Variants in RECQL5 observed in about 807,000 individuals in gnomAD.
RECQL5 encodes the protein ATP-dependent DNA helicase Q5.
In RECQL5, 88 loss-of-function variants were observed where a neutral mutation model predicts 103.4. The observed-to-expected ratio is 0.85, with a 90% CI of 0.72 to 1.02. The LOEUF is 1.02. Ranked by LOEUF, RECQL5 falls within the 50% of genes least tolerant of loss-of-function variation. The pLI is 0.00. For missense variants in RECQL5, 1,232 were observed against 1,284.3 expected, an observed-to-expected ratio of 0.96 and a Z score of 0.62; for synonymous variants, 552 against 507.9, an observed-to-expected ratio of 1.09 and a Z score of -1.17.
intron 8 of RECQL5, among the ~76,000 whole-genome samples, chr17:75,644,452 A>G (rs979736624): frequency 6.6e-6 from 1 of 151,926 alleles, no homozygotes; most frequent in East Asian, 1.9e-4. Flanking sequence ...CAAATATAAA[A>G]AAAAATTAGC....
chr17:75,632,887 A>G (rs1403425921), intron 8 of RECQL5, among the ~76,000 whole-genome samples: 1 of 152,190 alleles, frequency 6.6e-6, no homozygotes, highest in Non-Finnish European at 1.5e-5. Flanking sequence ...GCTGGCATTA[A>G]CTGCTCTAAC....
Position 75,627,697 on chromosome 17 carries a change from A to AAGGGAG in RECQL5, c.2806-11_2806-6dup. On this transcript the variant is annotated splice_polypyrimidine_tract_variant and splice_region_variant and intron_variant, in intron 18 of 19. Transcript: ENST00000317905. ...GGCAAAGCCTTTAAACAACTCCTGG[A>AAGGGAG]AGGGAGAGGGAGAAGAGAAGCAGAG... is the stretch of plus-strand genomic sequence containing the variant. 1 of 1,601,006 alleles carries AAGGGAG rather than the reference A, an allele frequency of 6.2e-7. No homozygotes were observed. Among genetic ancestry groups the AAGGGAG allele is most frequent in the African/African-American group, 1.3e-5 (1 of 74,866 alleles).
At chr17:75,635,497 G>A (rs1476403636) in intron 8 of RECQL5, among the ~76,000 whole-genome samples, 2 of 152,214 alleles carry the variant, frequency 1.3e-5, no homozygotes, top group Non-Finnish European at 2.9e-5. Context: ...AGCAGAAAGC[G>A]CTTCCTCCCG....
At chr17:75,666,405 G>A in intron 2 of RECQL5, 23 bp downstream of exon 2, 1 of 1,613,444 alleles carries the variant, frequency 6.2e-7, no homozygotes. Context: ...TAAATTTAAA[G>A]GAAGGTAGCT....
At chr17:75,635,278 C>T (rs1164599268) in intron 8 of RECQL5, among the ~76,000 whole-genome samples, 4 of 152,100 alleles carry the variant, frequency 2.6e-5, no homozygotes, top group African/African-American at 7.2e-5. Context: ...CAGGCCAGGT[C>T]GGGGTCGGGG....
intron 8 of RECQL5, chr17:75,647,636 C>G (rs2059505377): frequency 6.9e-7 from 1 of 1,454,422 alleles, no homozygotes. Flanking sequence ...GTGGTGGGCC[C>G]CTTCGCGGTT....
At chr17:75,657,979 C>T (rs1436640159) in intron 7 of RECQL5, among the ~76,000 whole-genome samples, 3 of 151,756 alleles carry the variant, frequency 2.0e-5, no homozygotes, top group Non-Finnish European at 4.4e-5. Context: ...ACCCGGGAGG[C>T]GGAGGTTGCA....
intron 8 of RECQL5, chr17:75,637,819 C>G (rs948184990): frequency 2.0e-5 from 3 of 152,376 alleles, no homozygotes; most frequent in Admixed American, 2.0e-4. Context: ...CGGGGCTGCT[C>G]CTGGCTATCT....
At position 75,658,371 on chromosome 17, in the gene RECQL5, C is replaced by G; in HGVS notation, c.1076G>C (p.Cys359Ser). ...RAGRDGKPSW[C>S]RLYYSRNDRD... ...GTCATTCCTGGAGTAATAGAGACGG[C>G]ACCAGGAAGGCTTCCCATCCCTGCC... The change falls in exon 7 of 20, where the codon TGC (cysteine) becomes TCC (serine). Residue 359 changes from cysteine to serine, a missense_variant. By Grantham distance (112) the Cys-to-Ser change is moderately radical. Coordinates refer to ENST00000317905, the MANE Select transcript of RECQL5 (RefSeq NM_004259.7). The G allele has an allele frequency of 6.2e-7, 1 of 1,614,034 alleles. No homozygotes were observed. The highest frequency in any genetic ancestry group is 8.5e-7 in the Non-Finnish European group (1 of 1,179,972).
rs1438159888 is a variant in RECQL5 at position 75,629,322 on chromosome 17, G to A, written c.2101C>T (p.Leu701=). 6.5e-7 allele frequency: 1 copy of A among 1,541,798 alleles called. No individual in the cohort carries two copies. The change falls in exon 16 of 20, where the codon CTG becomes TTG. Residue 701 remains leucine, a synonymous_variant. Transcript: ENST00000317905. ...AGGGGCTCACTCCCATCCTCATCCA[G>A]GAGGCCACAGGGCCGGCTCGGGGGC... ...HEPPSRPCGL[L]DEDGSEPLPG... is the part of the protein sequence containing the mutation.
chr17:75,629,107 C>T lies in RECQL5; in HGVS notation c.2316G>A (p.Val772=), dbSNP rs1244759737. The T allele has an allele frequency of 1.9e-6, 3 of 1,613,722 alleles. No homozygotes were observed. The highest frequency in any genetic ancestry group is 2.5e-6 in the Non-Finnish European group (3 of 1,179,970). The stretch of plus-strand genomic sequence containing the variant: ...CTGATGCCAGCAGAGCTGGGCTTTC[C>T]ACCCTTCGGCAGAAGAAGCGGGCGA... ...QSIARFFCRR[V]ESPALLASAP... Residue 772 remains valine, a synonymous_variant, in exon 16 of 20, where the codon GTG becomes GTA. Transcript: ENST00000317905.
chr17:75,629,751 T>G lies in RECQL5; in HGVS notation c.1904A>C (p.Glu635Ala). 6.2e-7 allele frequency: 1 copy of G among 1,613,548 alleles called. No homozygotes were observed. Among genetic ancestry groups the G allele is most frequent in the South Asian group, 1.1e-5 (1 of 91,064 alleles). The change falls in exon 15 of 20, where the codon GAG becomes GCG. Residue 635 changes from glutamate to alanine, a missense_variant. Transcript: ENST00000317905. ...TGGTGGAATGTCATACTCATTGGGC[T>G]CCGGGGGCTCAGCTTGGGCACTGCA... ...KSCSAQAEPP[E>A]PNEYDIPPAS... is the part of the protein sequence containing the mutation.
intron 14 of RECQL5, 54 bp downstream of exon 14, chr17:75,630,130 C>CA (rs1568257229): frequency 1.4e-6 from 2 of 1,422,830 alleles, no homozygotes; most frequent in Non-Finnish European, 1.9e-6. Context: ...GCTTCTGCGT[C>CA]AGAGTATGGA....
At chr17:75,664,569 G>A (rs2059742146) in intron 3 of RECQL5, among the ~76,000 whole-genome samples, 1 of 152,156 alleles carries the variant, frequency 6.6e-6, no homozygotes, top group Non-Finnish European at 1.5e-5. Flanking sequence ...ACACTACATT[G>A]GGGAAATACA....
At chr17:75,660,503 C>T (rs2059685140) in intron 6 of RECQL5, among the ~76,000 whole-genome samples, 1 of 152,212 alleles carries the variant, frequency 6.6e-6, no homozygotes. Context: ...CGAGTGTTAA[C>T]TGCACTGAAT....
intron 6 of RECQL5, among the ~76,000 whole-genome samples, chr17:75,659,293 C>T (rs572902247): frequency 1.1e-4 from 16 of 152,282 alleles, no homozygotes; most frequent in Admixed American, 9.2e-4. Context: ...ATCTGTTGAC[C>T]TCATGATCCG....
At chr17:75,643,768 T>C (rs2059458978) in intron 8 of RECQL5, among the ~76,000 whole-genome samples, 1 of 152,152 alleles carries the variant, frequency 6.6e-6, no homozygotes, top group Non-Finnish European at 1.5e-5. Flanking sequence ...TCTGACTTGG[T>C]CACCACCTCT....
intron 8 of RECQL5, chr17:75,650,560 A>C: frequency 6.5e-7 from 1 of 1,540,336 alleles, no homozygotes; most frequent in Non-Finnish European, 8.8e-7. Flanking sequence ...CGACAGGATC[A>C]TTCCATGAGA....
Position 75,640,883 on chromosome 17 carries a change from C to A in RECQL5, c.1230-9215G>T. ...GAGAGGCAGGAAGGTCCAGGTGCAG[C>A]CGACACCACCATGACGGACGGGCGA... On this transcript the variant is annotated intron_variant, in intron 8 of 19. Coordinates refer to ENST00000317905, the MANE Select transcript of RECQL5 (RefSeq NM_004259.7). This position sits in a 1 kb window ranked among gnomAD's most constrained non-coding sequence, Gnocchi z 4.6. 6.5e-7 allele frequency: 1 copy of A among 1,545,744 alleles called. No individual in the cohort carries two copies.
Sources: gnomAD v4.1 joint callset for allele counts (sites outside exome capture counted in the v4.1 genomes callset) on GRCh38, gnomAD v4.1.1 for gene constraint, Gnocchi (gnomAD v3.1) non-coding constraint, MANE v1.5 for transcripts, NCBI Gene and HGNC (gene_info 2026-07-23, HGNC 2026-07-21) for gene names.